The following SMIM21 variants were observed in gnomAD, a reference collection of about 807,000 sequenced individuals.
SMIM21 encodes chromosome 18 open reading frame 62.
Under a neutral mutation model 8.6 loss-of-function variants are expected in SMIM21, and 8 were observed. The observed-to-expected ratio is 0.93, with a 90% CI of 0.55 to 1.68. SMIM21 has a LOEUF of 1.68. Ranked by LOEUF, SMIM21 falls within the 40% of genes most tolerant of loss-of-function variation. The pLI is 0.00. For synonymous variants in SMIM21, 43 were observed against 41.7 expected, an observed-to-expected ratio of 1.03 and a Z score of -0.12; for missense variants, 132 against 123.0, an observed-to-expected ratio of 1.07 and a Z score of -0.35.
chr18:75,427,425 A>G lies in SMIM21; in HGVS notation c.129+10T>C. ...TCTCATAACCCAAAGTTAAAGACCC[A>G]TAAACTCACTGTGGTAAGTGCTTTC... On this transcript the variant is annotated intron_variant, in intron 1 of 2. Transcript: ENST00000579022. 2.5e-6 allele frequency: 4 copies of G among 1,613,088 alleles called. No homozygotes were observed. The highest frequency in any genetic ancestry group is 2.5e-6 in the Non-Finnish European group (3 of 1,179,476).
In SMIM21 at chr18:75,418,831, T is replaced by A; in HGVS notation, c.215A>T (p.Gln72Leu). Residue 72 changes from glutamine to leucine, a missense_variant, in exon 2 of 3, where the codon CAA (glutamine) becomes CTA (leucine). Physicochemically the swap from Gln to Leu is moderately radical, Grantham distance 113 (BLOSUM62 -2). Coordinates refer to ENST00000579022, the MANE Select transcript of SMIM21 (RefSeq NM_001037331.3). ...CCTTTTCCAGTCTTCAGAAACCCCT[T>A]GTATCCTGCTATGATTCCTCAGCAA... ...MVLLRNHSRI[Q>L]GVSEDWKRAN... 1 of 1,613,440 alleles carries A rather than the reference T, an allele frequency of 6.2e-7. No homozygotes were observed. Among genetic ancestry groups the A allele is most frequent in the Non-Finnish European group, 8.5e-7 (1 of 1,179,408 alleles).
intron 2 of SMIM21, among the ~76,000 whole-genome samples, chr18:75,414,195 C>G (rs1201668810): frequency 6.6e-6 from 1 of 151,524 alleles, no homozygotes; most frequent in African/African-American, 2.4e-5. Flanking sequence ...TTCCAAGTTA[C>G]TATTGATTGT....
chr18:75,425,155 G>A lies in SMIM21; in HGVS notation c.129+2280C>T, dbSNP rs146801899. ...TGTACTGGAACCAATGTGAGCTTTT[G>A]GATTTTCGTCGTCTGTGCATGAGAG... On this transcript the variant is annotated intron_variant, in intron 1 of 2. Transcript: ENST00000579022. Among the ~76,000 whole-genome samples, 710 of 152,298 alleles carry A rather than the reference G, an allele frequency of 4.7e-3. 3 individuals are homozygous for A. The highest frequency in any genetic ancestry group is 8.0e-3 in the Non-Finnish European group (546 of 68,026).
chr18:75,412,973 A>G (rs772017608), intron 2 of SMIM21, among the ~76,000 whole-genome samples: 5 of 152,086 alleles, frequency 3.3e-5, no homozygotes, highest in Non-Finnish European at 7.4e-5. Flanking sequence ...CTTTGGGTCT[A>G]TATATAGCCT....
intron 1 of SMIM21, 39 bp from the exon 2 acceptor site, chr18:75,418,955 C>T (rs1424565188): frequency 7.0e-7 from 1 of 1,426,982 alleles, no homozygotes; most frequent in African/African-American, 1.4e-5. Flanking sequence ...TTTACAGTGT[C>T]TGGCTTTTCA....
At chr18:75,412,961 A>C (rs1398600449) in intron 2 of SMIM21, among the ~76,000 whole-genome samples, 1 of 151,970 alleles carries the variant, frequency 6.6e-6, no homozygotes, top group African/African-American at 2.4e-5. Context: ...ATGCAGTCTC[A>C]CCTTTGGGTC....
chr18:75,427,130 C>G (rs2144563532), intron 1 of SMIM21, among the ~76,000 whole-genome samples: 1 of 152,286 alleles, frequency 6.6e-6, no homozygotes, highest in East Asian at 1.9e-4. Context: ...AAGAGGCTCT[C>G]TCTGTAGGGG....
chr18:75,423,486 G>A (rs1313494819), intron 1 of SMIM21, among the ~76,000 whole-genome samples: 1 of 152,242 alleles, frequency 6.6e-6, no homozygotes, highest in Non-Finnish European at 1.5e-5. Flanking sequence ...CCTGGGGTGA[G>A]AGCTGTGCCA....
chr18:75,427,251 T>C (rs1406855999), intron 1 of SMIM21, among the ~76,000 whole-genome samples, 184 bp downstream of exon 1: 2 of 151,966 alleles, frequency 1.3e-5, no homozygotes, highest in Non-Finnish European at 2.9e-5. Context: ...AATTGGGAGG[T>C]TGTCTTGGCC....
At chr18:75,424,266 T>A (rs8087297) in intron 1 of SMIM21, among the ~76,000 whole-genome samples, 40,147 of 151,964 alleles carry the variant, frequency 0.26, 6,312 homozygotes, top group Middle Eastern at 0.36. Flanking sequence ...TTATTACGGG[T>A]GTCCACGTCA....
intron 2 of SMIM21, among the ~76,000 whole-genome samples, 165 bp from the exon 3 acceptor site, chr18:75,411,074 G>A (rs997963405): frequency 2.0e-5 from 3 of 152,064 alleles, no homozygotes; most frequent in East Asian, 1.9e-4. Context: ...TATACTCACC[G>A]GAGCAAGTAC....
chr18:75,421,814 G>A (rs2144557139), intron 1 of SMIM21, among the ~76,000 whole-genome samples: 1 of 152,254 alleles, frequency 6.6e-6, no homozygotes, highest in Non-Finnish European at 1.5e-5. Context: ...TTAATAGAAG[G>A]CAACTGGGTT....
chr18:75,427,285 G>T, intron 1 of SMIM21, 150 bp downstream of exon 1: 1 of 919,048 alleles, frequency 1.1e-6, no homozygotes. Context: ...AAAGAGCTCT[G>T]GATTGACGTC....
Position 75,418,884 on chromosome 18 carries a change from T to C in SMIM21, c.162A>G (p.Thr54=). 1 of 1,604,510 alleles carries C rather than the reference T, an allele frequency of 6.2e-7. No individual in the cohort carries two copies. Among genetic ancestry groups the C allele is most frequent in the Non-Finnish European group, 8.5e-7 (1 of 1,171,372 alleles). Residue 54 remains threonine (T), a synonymous_variant, in exon 2 of 3, where the codon ACA becomes ACG. Transcript: ENST00000579022. ...CCATCACATGGAAAAGAACCAACAA[T>C]GTGAAGAAACGAATATGGTGTTCAT... The part of the protein sequence containing the change: ...FENEHHIRFF[T]LLVLFHVMVL...
In SMIM21 at chr18:75,427,533, G is replaced by A. The variant is rs573792667; in HGVS notation, c.31C>T (p.Arg11Ter). ...GTTCCCAGCTGTGCTATAGGGAATC[G>A]GGGAGGAGCTGTGGACACATACTGG... Reference protein sequence around the residue: MDQYVSTAPPRFPIAQLGTFK... With the variant: MDQYVSTAPP Residue 11 changes from arginine to a stop codon, truncating the protein, a stop_gained, in exon 1 of 3, where the codon CGA becomes TGA. Coordinates refer to ENST00000579022, the MANE Select transcript of SMIM21 (RefSeq NM_001037331.3). LOFTEE classifies it high-confidence loss of function. 10 of 1,613,488 alleles carry A rather than the reference G, an allele frequency of 6.2e-6. No homozygotes were observed. The highest frequency in any genetic ancestry group is 3.3e-5 in the South Asian group (3 of 90,956).
chr18:75,427,394 C>T (rs538676371), intron 1 of SMIM21, 41 bp downstream of exon 1: 24 of 1,598,654 alleles, frequency 1.5e-5, no homozygotes, highest in East Asian at 8.9e-5. Context: ...TGCAGTGATA[C>T]GTCTCTCTCA....
chr18:75,417,504 T>C (rs1443790488), intron 2 of SMIM21: 3 of 152,230 alleles, frequency 2.0e-5, no homozygotes, highest in Non-Finnish European at 4.4e-5. Context: ...TAAGTGCTGC[T>C]AAGGAAGAGA....
In SMIM21 at chr18:75,427,600, T is replaced by C. The variant is rs775763476; in HGVS notation, c.-37A>G. 4 of 1,553,548 alleles carry C rather than the reference T, an allele frequency of 2.6e-6. No individual in the cohort carries two copies. The highest frequency in any genetic ancestry group is 3.6e-5 in the Admixed American group (2 of 56,314). On this transcript the variant is annotated 5_prime_UTR_variant, in exon 1 of 3. Coordinates refer to ENST00000579022, the MANE Select transcript of SMIM21 (RefSeq NM_001037331.3). ...GGCGGTGACCAGTGAGAGGTCTCCT[T>C]GATGACAGCGACTCTGAGGACACAG...
At chr18:75,413,725 G>T (rs1568151072) in intron 2 of SMIM21, among the ~76,000 whole-genome samples, 1 of 152,074 alleles carries the variant, frequency 6.6e-6, no homozygotes. Context: ...GAATATGACT[G>T]GTCCCTCTTG....
Sources: allele counts gnomAD v4.1 joint callset (sites outside exome capture counted in the v4.1 genomes callset), GRCh38; gene constraint gnomAD v4.1.1; transcripts MANE v1.5; gene names NCBI Gene and HGNC (gene_info 2026-07-23, HGNC 2026-07-21).